Variants in GSE1 observed in about 807,000 individuals in gnomAD.
The protein encoded by GSE1 is Gse1 coiled-coil protein.
GSE1 carries 32 observed loss-of-function variants against 112.6 expected under a neutral mutation model. The observed-to-expected ratio is 0.28, with a 90% CI of 0.21 to 0.38. The LOEUF (loss-of-function observed/expected upper bound fraction) is 0.38, where lower values mean the gene tolerates loss of function less well. Ranked by LOEUF, GSE1 falls within the 10% of genes least tolerant of loss-of-function variation. GSE1 has a pLI of 1.00. For missense variants in GSE1, 2,348 were observed against 1,699.2 expected (o/e 1.38, Z -6.71); for synonymous variants, 1,115 against 735.6 (o/e 1.52, Z -8.35).
intron 2 of GSE1, among the ~76,000 whole-genome samples, chr16:85,480,308 G>A (rs1464289151): frequency 3.3e-5 from 5 of 152,014 alleles, no homozygotes; most frequent in Non-Finnish European, 5.9e-5. Context: ...GCCCCATTGG[G>A]TGAGGCGGGA....
intron 2 of GSE1, among the ~76,000 whole-genome samples, chr16:85,395,040 A>G (rs921203867): frequency 5.9e-5 from 9 of 152,140 alleles, no homozygotes; most frequent in African/African-American, 2.2e-4. Context: ...GCACCTGGGC[A>G]TTCTCGACGC....
intron 1 of GSE1, among the ~76,000 whole-genome samples, chr16:85,328,592 T>G (rs2046274749): frequency 6.6e-6 from 1 of 152,126 alleles, no homozygotes; most frequent in Non-Finnish European, 1.5e-5. Flanking sequence ...AGCCATTTAT[T>G]TAAAAGAAAA....
chr16:85,490,801 AC>A (rs1397632295), intron 2 of GSE1: 1 of 152,148 alleles, frequency 6.6e-6, no homozygotes, highest in Non-Finnish European at 1.5e-5. Context: ...TTTATAGAGA[AC>A]CTATGTAAAA....
chr16:85,170,785 G>A (rs765882164), exon 1 of GSE1: 1 of 985,568 alleles, frequency 1.0e-6, no homozygotes, highest in East Asian at 1.1e-4. Context: ...CAGTACCTTG[G>A]TGTGCGCCAG....
chr16:85,230,862 GATGGATGA>G (rs1904277595), intron 1 of GSE1, among the ~76,000 whole-genome samples: 1 of 152,022 alleles, frequency 6.6e-6, no homozygotes. Context: ...TGGATGGATG[GATGGATGA>G]GTGGACGGAC....
intron 1 of GSE1, among the ~76,000 whole-genome samples, chr16:85,299,402 A>C (rs1484314037): frequency 6.6e-6 from 1 of 152,094 alleles, no homozygotes; most frequent in Admixed American, 6.6e-5. Flanking sequence ...TATCCTCTCC[A>C]ACCCCCCTGC....
intron 1 of GSE1, among the ~76,000 whole-genome samples, chr16:85,194,334 C>T (rs1434558124): frequency 6.6e-6 from 1 of 152,128 alleles, no homozygotes; most frequent in Non-Finnish European, 1.5e-5. Context: ...CTTAGGGAGG[C>T]CAGTGGATTC....
At position 85,660,815 on chromosome 16, in the gene GSE1, A is replaced by G. The variant is rs1191452426; in HGVS notation, c.1641-331A>G. ...CTGGCTAATTTTTGTATTTTTTAGT[A>G]GAGATGGGGTTTCACCATGTTGGCC... On this transcript the variant is annotated intron_variant, in intron 8 of 15. Coordinates refer to ENST00000253458, the MANE Select transcript of GSE1 (RefSeq NM_014615.5). Among the ~76,000 whole-genome samples the G allele has an allele frequency of 3.9e-5, 6 of 151,986 alleles. No individual in the cohort carries two copies. The East Asian group carries it at 1.2e-3, about 30-fold the overall frequency.
At chr16:85,476,800 A>T (rs2151858312) in intron 2 of GSE1, among the ~76,000 whole-genome samples, 1 of 146,198 alleles carries the variant, frequency 6.8e-6, no homozygotes, top group South Asian at 2.2e-4. Context: ...TTAAGCAGAG[A>T]CAGGGTTTCA....
intron 1 of GSE1, among the ~76,000 whole-genome samples, chr16:85,265,702 A>C (rs1908165219): frequency 6.6e-6 from 1 of 152,090 alleles, no homozygotes; most frequent in Admixed American, 6.5e-5. Flanking sequence ...TCTGGTTTTC[A>C]TGAGGGAGGA....
intron 2 of GSE1, among the ~76,000 whole-genome samples, chr16:85,479,515 G>C (rs1452143217): frequency 6.6e-6 from 1 of 152,030 alleles, no homozygotes; most frequent in Non-Finnish European, 1.5e-5. Flanking sequence ...CGTTGACCAG[G>C]CTGGTCTCAA....
intron 1 of GSE1, among the ~76,000 whole-genome samples, chr16:85,182,854 A>G (rs1440254768): frequency 6.6e-6 from 1 of 151,404 alleles, no homozygotes; most frequent in African/African-American, 2.4e-5. Flanking sequence ...TTTTGCCCCC[A>G]CCACTCCTCT....
At chr16:85,186,348 T>C (rs2074701336) in intron 1 of GSE1, among the ~76,000 whole-genome samples, 1 of 152,092 alleles carries the variant, frequency 6.6e-6, no homozygotes, top group South Asian at 2.1e-4. Context: ...CTCACACCTG[T>C]AATCCCAGCA....
intron 3 of GSE1, among the ~76,000 whole-genome samples, chr16:85,649,339 C>A (rs943128410): frequency 2.0e-5 from 3 of 152,166 alleles, no homozygotes; most frequent in Non-Finnish European, 2.9e-5. Context: ...CGCTGAGCAC[C>A]CGGCACACTA....
intron 1 of GSE1, among the ~76,000 whole-genome samples, chr16:85,221,325 C>T (rs1246864899): frequency 1.3e-5 from 2 of 148,370 alleles, no homozygotes; most frequent in Admixed American, 1.3e-4. Context: ...CACACACACA[C>T]ACACACACAC....
chr16:85,214,536 C>T (rs994452848), intron 1 of GSE1, among the ~76,000 whole-genome samples: 1 of 152,164 alleles, frequency 6.6e-6, no homozygotes, highest in African/African-American at 2.4e-5. Context: ...CAGCGCGGCC[C>T]AGCCAGCACC....
intron 2 of GSE1, among the ~76,000 whole-genome samples, chr16:85,378,329 G>A (rs1195311884): frequency 2.6e-5 from 4 of 152,176 alleles, no homozygotes; most frequent in Admixed American, 1.3e-4. Context: ...CAGGCCAGGC[G>A]GCTTGGGGCA....
intron 2 of GSE1, among the ~76,000 whole-genome samples, chr16:85,494,954 G>A (rs2051124122): frequency 6.6e-6 from 1 of 152,162 alleles, no homozygotes; most frequent in Non-Finnish European, 1.5e-5. Context: ...CCTGCTGCTT[G>A]GAAACAGGTG....
chr16:85,570,343 G>C (rs1363230800), intron 1 of GSE1, among the ~76,000 whole-genome samples: 1 of 152,106 alleles, frequency 6.6e-6, no homozygotes, highest in Non-Finnish European at 1.5e-5. Flanking sequence ...CCTGGCCCTT[G>C]ACCCGCCTCT....
Sources: gnomAD v4.1 joint callset for allele counts (sites outside exome capture counted in the v4.1 genomes callset) on GRCh38, gnomAD v4.1.1 for gene constraint, MANE v1.5 for transcripts, NCBI Gene and HGNC (gene_info 2026-07-23, HGNC 2026-07-21) for gene names.